ARHGAP27: variants seen among roughly 807,000 people sequenced by gnomAD.
ARHGAP27 encodes rho GTPase-activating protein 27.
Under a neutral mutation model 102.0 loss-of-function variants are expected in ARHGAP27, and 53 were observed. The ratio of observed to expected loss-of-function variants is 0.52; its 90% CI spans 0.42 to 0.65. ARHGAP27 has a LOEUF of 0.65. Among genes scored for constraint, ARHGAP27 ranks in the 30% least tolerant of loss-of-function variants. The pLI is 0.00. For synonymous variants in ARHGAP27, 525 were observed against 542.8 expected, an observed-to-expected ratio of 0.97 and a Z score of 0.46; for missense variants, 1,117 against 1,256.2, an observed-to-expected ratio of 0.89 and a Z score of 1.68.
rs1391624264 is a variant in ARHGAP27, at chr17:45,429,736, T to C, written c.544A>G (p.Ser182Gly). Residue 182 changes from serine (S) to glycine (G), a missense_variant, in exon 4 of 20, where the codon AGC becomes GGC. By Grantham distance (56) the Ser-to-Gly change is moderately conservative. Coordinates refer to ENST00000685559, the MANE Select transcript of ARHGAP27 (RefSeq NM_001282290.2). ...LGSSGSFKAC[S>G]VAGSWVCPRP... is the part of the protein sequence containing the mutation. ...GGGCACACCCAGGAGCCCGCCACGCTGCAGGCCTTGAAGCTGCCGCTGCTT... is the reference window on the plus strand; with the variant it reads ...GGGCACACCCAGGAGCCCGCCACGCCGCAGGCCTTGAAGCTGCCGCTGCTT... 1 of 1,540,854 alleles carries C rather than the reference T, an allele frequency of 6.5e-7. No homozygotes were observed.
chr17:45,395,663 CCGAACTG>C (rs575851937), intron 19 of ARHGAP27, 30 bp from the exon 20 acceptor site: 20,334 of 1,582,816 alleles, frequency 0.013, 162 homozygotes, highest in Non-Finnish European at 0.015. Flanking sequence ...GTTCAGGGCT[CCGAACTG>C]CGAACTGCGG....
At chr17:45,410,084 T>A (rs2047721711) in intron 4 of ARHGAP27, 1 of 1,036,254 alleles carries the variant, frequency 9.7e-7, no homozygotes. Flanking sequence ...ACCTCTTGGA[T>A]GGGCAGGGCC....
chr17:45,403,887 T>A (rs1274223869), intron 10 of ARHGAP27, 142 bp downstream of exon 10: 34 of 1,054,186 alleles, frequency 3.2e-5, no homozygotes, highest in Non-Finnish European at 4.8e-5. Context: ...AGTCACTTTA[T>A]CTCACAGTGT....
In ARHGAP27 at chr17:45,397,097, C is replaced by T. The variant is rs148339832; in HGVS notation, c.1843-73G>A. 3,345 of 1,571,168 alleles carry T rather than the reference C, an allele frequency of 2.1e-3. 27 individuals are homozygous for T. In the African/African-American group the frequency reaches 0.023, roughly 11 times the overall value. ...GTCCTTCCAGGATGGGGCAAGGGAC[C>T]CGAAATGCACTCCCAACAGGCATGG... On this transcript the variant is annotated intron_variant, in intron 13 of 19. Transcript: ENST00000685559.
chr17:45,408,544 G>A (rs1282238769), intron 4 of ARHGAP27: 1 of 152,148 alleles, frequency 6.6e-6, no homozygotes, highest in Non-Finnish European at 1.5e-5. Flanking sequence ...GTGGCTGAGA[G>A]GGGACCCTCC....
chr17:45,405,732 C>A lies in ARHGAP27; in HGVS notation c.1009G>T (p.Glu337Ter). Residue 337 changes from glutamate to a stop codon, truncating the protein, a stop_gained, in exon 5 of 20, where the codon GAG becomes TAG. Transcript: ENST00000685559. LOFTEE classifies it high-confidence loss of function. ...AWEDEAENEP[E>*]EELEMQPGLS... ...CCCGGCTGCATCTCCAACTCCTCCTCGGGCTCGTTCTCGGCCTCGTCCTCC... is the reference window on the plus strand; with the variant it reads ...CCCGGCTGCATCTCCAACTCCTCCTAGGGCTCGTTCTCGGCCTCGTCCTCC... The A allele has an allele frequency of 6.2e-7, 1 of 1,602,744 alleles. No homozygotes were observed. Among genetic ancestry groups the A allele is most frequent in the East Asian group, 2.2e-5 (1 of 44,866 alleles).
At chr17:45,403,893 A>T in intron 10 of ARHGAP27, 136 bp downstream of exon 10, 1 of 1,083,652 alleles carries the variant, frequency 9.2e-7, no homozygotes, top group Non-Finnish European at 1.4e-6. Flanking sequence ...TTTATCTCAC[A>T]GTGTCTCAGG....
chr17:45,395,508 T>C lies in ARHGAP27; in HGVS notation c.2618A>G (p.Gln873Arg). ...CTGCTGCAGGATGAGCTCCACCACC[T>C]GGTTCTGGAACACCATGGTCATGGG... ...SMPMTMVFQN[Q>R]VVELILQQCA... Residue 873 changes from glutamine (Q) to arginine (R), a missense_variant, in exon 20 of 20, where the codon CAG becomes CGG. Around this residue, in one of 3 missense-constraint regions of ARHGAP27, gnomAD observed 493 missense variants for 505.5 expected, o/e 0.98. Transcript: ENST00000685559. 6.3e-7 allele frequency: 1 copy of C among 1,595,102 alleles called. No individual in the cohort carries two copies. The highest frequency in any genetic ancestry group is 8.5e-7 in the Non-Finnish European group (1 of 1,170,512).
chr17:45,423,023 A>G (rs1001068262), intron 4 of ARHGAP27, among the ~76,000 whole-genome samples: 4 of 152,044 alleles, frequency 2.6e-5, no homozygotes, highest in African/African-American at 4.8e-5. Context: ...TGTACTAAAA[A>G]TACAAAAATT....
intron 16 of ARHGAP27, 41 bp from the exon 17 acceptor site, chr17:45,396,325 G>C: frequency 2.5e-6 from 4 of 1,570,194 alleles, no homozygotes; most frequent in Non-Finnish European, 3.4e-6. Flanking sequence ...TCAGGGATGG[G>C]GATAGGGTGG....
intron 4 of ARHGAP27, chr17:45,408,571 C>T (rs1359670166): frequency 3.9e-5 from 6 of 152,198 alleles, no homozygotes; most frequent in Non-Finnish European, 7.3e-5. Flanking sequence ...CTTGTCCTTT[C>T]TCTACCCCCA....
At chr17:45,429,471 G>T (rs1159850139) in intron 4 of ARHGAP27, 152 bp downstream of exon 4, 3 of 1,479,752 alleles carry the variant, frequency 2.0e-6, no homozygotes, top group Non-Finnish European at 2.7e-6. Context: ...CACGTTTCGC[G>T]GTTGGGGAGA....
Position 45,405,009 on chromosome 17 carries a change from G to A in ARHGAP27, c.1163C>T (p.Ser388Phe). Residue 388 changes from serine to phenylalanine, a missense_variant, in exon 6 of 20, where the codon TCT becomes TTT. By Grantham distance (155) the Ser-to-Phe change is radical. This residue lies in a region of ARHGAP27 where 610 missense variants were observed against 716.4 expected (regional missense o/e 0.85). Transcript: ENST00000685559. ...VGSFGEPGPTSPLTTPPGWSC... is the reference protein window; with the variant it reads ...VGSFGEPGPTFPLTTPPGWSC... The stretch of plus-strand genomic sequence containing the variant: ...CCAGCCGGGGGGTGTGGTCAAGGGA[G>A]AGGTAGGGCCGGGCTCACCGAAAGA... 1 of 1,614,064 alleles carries A rather than the reference G, an allele frequency of 6.2e-7. No homozygotes were observed. Among genetic ancestry groups the A allele is most frequent in the Non-Finnish European group, 8.5e-7 (1 of 1,179,972 alleles).
At chr17:45,429,333 G>A (rs1443446737) in intron 4 of ARHGAP27, 1 of 1,030,772 alleles carries the variant, frequency 9.7e-7, no homozygotes. Flanking sequence ...GATAAATAAA[G>A]ACCATCAGCA....
intron 12 of ARHGAP27, among the ~76,000 whole-genome samples, chr17:45,399,577 G>A (rs977011754): frequency 7.1e-5 from 5 of 70,726 alleles, no homozygotes; most frequent in Non-Finnish European, 1.1e-4. Context: ...GGGCAACAGA[G>A]CAACACTCTG....
chr17:45,423,050 G>A (rs954711575), intron 4 of ARHGAP27, among the ~76,000 whole-genome samples: 8 of 151,978 alleles, frequency 5.3e-5, no homozygotes, highest in East Asian at 1.9e-4. Flanking sequence ...GTGTGGTGGC[G>A]CACACCTGTA....
At position 45,406,006 on chromosome 17, in the gene ARHGAP27, G is replaced by A; in HGVS notation, c.735C>T (p.Ala245=). ...PRATSPGAAA[A]PLPSPVWETH... ...TCTCCCACACCGGGCTGGGAAGGGGGGCTGCAGCGGCGCCCGGTGAAGTGG... is the reference window on the plus strand; with the variant it reads ...TCTCCCACACCGGGCTGGGAAGGGGAGCTGCAGCGGCGCCCGGTGAAGTGG... Residue 245 remains alanine (A), a synonymous_variant, in exon 5 of 20, where the codon GCC becomes GCT. Coordinates refer to ENST00000685559, the MANE Select transcript of ARHGAP27 (RefSeq NM_001282290.2). 1 of 1,535,002 alleles carries A rather than the reference G, an allele frequency of 6.5e-7. No individual in the cohort carries two copies. Among genetic ancestry groups the A allele is most frequent in the East Asian group, 2.4e-5 (1 of 40,880 alleles).
Position 45,405,690 on chromosome 17 carries a change from G to A in ARHGAP27, c.1051C>T (p.Pro351Ser). Residue 351 changes from proline to serine, a missense_variant, in exon 5 of 20, where the codon CCA (proline) becomes TCA (serine). Coordinates refer to ENST00000685559, the MANE Select transcript of ARHGAP27 (RefSeq NM_001282290.2). ...CTGCCCCTCACCCGCGGGTCCCCTG[G>A]GCTGCCAGGGCTCAGGCCCGGCTGC... ...EMQPGLSPGS[P>S]GDPRPPTPET... is the part of the protein sequence containing the mutation. 6.3e-7 allele frequency: 1 copy of A among 1,596,778 alleles called. No individual in the cohort carries two copies. Among genetic ancestry groups the A allele is most frequent in the Non-Finnish European group, 8.5e-7 (1 of 1,175,108 alleles).
chr17:45,405,879 G>C lies in ARHGAP27; in HGVS notation c.862C>G (p.Pro288Ala). The change falls in exon 5 of 20, where the codon CCA becomes GCA. Residue 288 changes from proline (P) to alanine (A), a missense_variant. Pro to Ala is a conservative substitution (Grantham distance 27). This residue lies in a region of ARHGAP27 where 610 missense variants were observed against 716.4 expected (regional missense o/e 0.85). Coordinates refer to ENST00000685559, the MANE Select transcript of ARHGAP27 (RefSeq NM_001282290.2). Reference sequence around the variant, plus strand: ...TCCACCGAGGCAGGGGAGGTGGCTGGGCTGGCGGCACCCTCGGCAGCCTCA... The same window carrying C: ...TCCACCGAGGCAGGGGAGGTGGCTGCGCTGGCGGCACCCTCGGCAGCCTCA... ...PFEAAEGAAS[P>A]ATSPASVDSH... 1 of 1,536,052 alleles carries C rather than the reference G, an allele frequency of 6.5e-7. No homozygotes were observed. The highest frequency in any genetic ancestry group is 8.7e-7 in the Non-Finnish European group (1 of 1,146,838).
Sources: allele counts gnomAD v4.1 joint callset (sites outside exome capture counted in the v4.1 genomes callset), GRCh38; gene constraint gnomAD v4.1.1; regional missense constraint gnomAD v4.1.1; transcripts MANE v1.5; gene names NCBI Gene and HGNC (gene_info 2026-07-23, HGNC 2026-07-21).